Variants in PCDH15 observed in about 807,000 individuals in gnomAD.
PCDH15 encodes protocadherin related 15.
A neutral mutation model predicts 178.5 loss-of-function variants in PCDH15; 129 were observed. The observed-to-expected ratio is 0.72, with a 90% confidence interval of 0.63 to 0.84. PCDH15 has a LOEUF of 0.84. Among genes scored for constraint, PCDH15 ranks in the 40% least tolerant of loss-of-function variants. The pLI, the probability that PCDH15 is intolerant of heterozygous loss-of-function variation, is 0.00. For missense variants in PCDH15, 2,230 were observed against 2,099.9 expected (o/e 1.06, Z -1.21); for synonymous variants, 800 against 732.0 (o/e 1.09, Z -1.50).
At chr10:53,996,382 T>C (rs1281137791) in intron 20 of PCDH15, among the ~76,000 whole-genome samples, 3 of 152,166 alleles carry the variant, frequency 2.0e-5, no homozygotes, top group African/African-American at 7.2e-5. Context: ...CTTATATGTA[T>C]CTTATTTTTC....
chr10:55,077,455 C>T (rs924915793), intron 2 of PCDH15, among the ~76,000 whole-genome samples: 4 of 132,228 alleles, frequency 3.0e-5, no homozygotes, highest in East Asian at 4.2e-4. Flanking sequence ...TCCTTCCCTT[C>T]CTTCCTTCCT....
At chr10:54,112,543 C>T (rs2095045174) in intron 15 of PCDH15, among the ~76,000 whole-genome samples, 1 of 152,140 alleles carries the variant, frequency 6.6e-6, no homozygotes. Context: ...GAGACATATG[C>T]TTCCTGAAGT....
At chr10:54,018,012 G>C (rs2092797012) in intron 20 of PCDH15, among the ~76,000 whole-genome samples, 1 of 152,048 alleles carries the variant, frequency 6.6e-6, no homozygotes, top group Non-Finnish European at 1.5e-5. Flanking sequence ...AAAACCACTA[G>C]CATATGGCTA....
chr10:55,531,941 GA>G (rs1310908769), intron 2 of PCDH15, among the ~76,000 whole-genome samples: 2 of 151,884 alleles, frequency 1.3e-5, no homozygotes, highest in Non-Finnish European at 2.9e-5. Flanking sequence ...AGAAGTAGCA[GA>G]AAAACTATTG....
intron 2 of PCDH15, among the ~76,000 whole-genome samples, chr10:55,079,152 G>A (rs546837217): frequency 8.6e-5 from 13 of 152,018 alleles, no homozygotes; most frequent in African/African-American, 3.1e-4. Flanking sequence ...GTTCTTTTGG[G>A]TATATCCCAC....
intron 21 of PCDH15, among the ~76,000 whole-genome samples, chr10:53,991,932 G>T (rs2091517511): frequency 6.6e-6 from 1 of 152,192 alleles, no homozygotes; most frequent in African/African-American, 2.4e-5. Context: ...AAAGCAGGCT[G>T]CCCAAGCCAG....
intron 3 of PCDH15, among the ~76,000 whole-genome samples, chr10:54,828,001 C>T (rs968367332): frequency 6.6e-6 from 1 of 151,984 alleles, no homozygotes; most frequent in African/African-American, 2.4e-5. Context: ...TATACAAACA[C>T]ATATTTATAC....
intron 25 of PCDH15, among the ~76,000 whole-genome samples, chr10:53,925,921 C>T (rs2084505536): frequency 1.3e-5 from 2 of 152,160 alleles, no homozygotes; most frequent in Non-Finnish European, 2.9e-5. Context: ...AATTCCTTGA[C>T]TTAAGTACTC....
intron 8 of PCDH15, among the ~76,000 whole-genome samples, chr10:54,310,849 T>C (rs2060855975): frequency 1.3e-5 from 2 of 151,946 alleles, no homozygotes; most frequent in African/African-American, 4.8e-5. Context: ...GATCAAAGAT[T>C]TAAGAGGCAA....
At chr10:54,917,380 G>A (rs1319770376) in intron 2 of PCDH15, among the ~76,000 whole-genome samples, 1 of 152,156 alleles carries the variant, frequency 6.6e-6, no homozygotes, top group East Asian at 1.9e-4. Context: ...TTTCTGCTAA[G>A]AACAGAATAG....
At chr10:55,423,443 G>T (rs11004846) in intron 2 of PCDH15, among the ~76,000 whole-genome samples, 30,294 of 151,744 alleles carry the variant, frequency 0.2, 3,992 homozygotes, top group Non-Finnish European at 0.29. Flanking sequence ...TATAAATTTT[G>T]CAGGGCTAGA....
At chr10:54,987,427 T>C (rs1395629317) in intron 2 of PCDH15, among the ~76,000 whole-genome samples, 1 of 152,192 alleles carries the variant, frequency 6.6e-6, no homozygotes, top group Non-Finnish European at 1.5e-5. Flanking sequence ...TCTAGATCCT[T>C]GAGGAATCAC....
chr10:55,079,876 G>T (rs539287169), intron 2 of PCDH15, among the ~76,000 whole-genome samples: 3 of 152,132 alleles, frequency 2.0e-5, no homozygotes, highest in African/African-American at 7.2e-5. Flanking sequence ...GGTTTGCTCA[G>T]GCTCTGGTGG....
At chr10:54,987,016 G>GC (rs543680617) in intron 2 of PCDH15, among the ~76,000 whole-genome samples, 4 of 151,824 alleles carry the variant, frequency 2.6e-5, no homozygotes, top group African/African-American at 7.2e-5. Flanking sequence ...CCCTGCACTC[G>GC]CCCCCCAGCC....
intron 2 of PCDH15, among the ~76,000 whole-genome samples, chr10:55,076,609 AATT>A (rs1268627522): frequency 1.3e-5 from 2 of 150,640 alleles, no homozygotes; most frequent in Non-Finnish European, 3.0e-5. Flanking sequence ...CATGGCGGCT[AATT>A]ATTATTATTA....
At chr10:55,289,917 A>G (rs1375814544) in intron 1 of PCDH15, among the ~76,000 whole-genome samples, 1 of 151,858 alleles carries the variant, frequency 6.6e-6, no homozygotes, top group Admixed American at 6.6e-5. Context: ...GGTTGTAGTA[A>G]AAGCAAGCTG....
intron 2 of PCDH15, among the ~76,000 whole-genome samples, chr10:55,363,651 G>A (rs972598830): frequency 6.6e-6 from 1 of 151,894 alleles, no homozygotes; most frequent in South Asian, 2.1e-4. Flanking sequence ...TTGGGATGTG[G>A]GGGGACGGAA....
intron 2 of PCDH15, among the ~76,000 whole-genome samples, chr10:54,989,464 G>A (rs1342006994): frequency 1.3e-5 from 2 of 152,170 alleles, no homozygotes; most frequent in Non-Finnish European, 2.9e-5. Context: ...AAAGCCACAG[G>A]GGCAGAGCTG....
chr10:55,372,583 T>C (rs1175034948), intron 2 of PCDH15, among the ~76,000 whole-genome samples: 8 of 152,086 alleles, frequency 5.3e-5, no homozygotes, highest in African/African-American at 9.7e-5. Flanking sequence ...CTAAGTAGAA[T>C]CAGAGCAAGA....
Sources: allele counts gnomAD v4.1 joint callset (sites outside exome capture counted in the v4.1 genomes callset), GRCh38; gene constraint gnomAD v4.1.1; transcripts MANE v1.5; gene names NCBI Gene and HGNC (gene_info 2026-07-23, HGNC 2026-07-21).